Variants in MILR1 observed in about 807,000 individuals in gnomAD.
MILR1 encodes mast cell immunoglobulin like receptor 1, also known as allergin-1.
In MILR1, 31 loss-of-function variants were observed where a neutral mutation model predicts 18.5. That is an observed-to-expected ratio of 1.68 (90% confidence interval 1.26 to 2.26). The LOEUF is 2.26. Among genes scored for constraint, MILR1 ranks in the 30% most tolerant of loss-of-function variants. MILR1 has a pLI of 0.00. For synonymous variants in MILR1, 85 were observed against 56.2 expected (o/e 1.51, Z -2.30); for missense variants, 257 against 157.4 (o/e 1.63, Z -3.38).
chr17:64,480,342 C>T, the MILR1 span: 1 of 1,601,354 alleles, frequency 6.2e-7, no homozygotes, highest in Non-Finnish European at 8.5e-7. Flanking sequence ...AACCAGGCCA[C>T]ACAGAAATCC....
the MILR1 span, among the ~76,000 whole-genome samples, chr17:64,495,177 C>CAAAAAAAAAAAA: frequency 8.4e-6 from 1 of 119,352 alleles, no homozygotes; most frequent in Non-Finnish European, 1.6e-5. Context: ...GACTCTGTCT[C>CAAAAAAAAAAAA]AAAAAAAAAA....
In MILR1 at chr17:64,450,128, C is replaced by T. The variant is rs975051872; in HGVS notation, c.97+773C>T. ...TAATGTTTTGTATTTTTTGTAGAGA[C>T]GGGGTTTCACATCGTTAGCCAGGAT... is the stretch of plus-strand genomic sequence containing the variant. On this transcript the variant is annotated intron_variant, in intron 2 of 9. Transcript: ENST00000619286. Among the ~76,000 whole-genome samples, 24 of 151,948 alleles carry T rather than the reference C, an allele frequency of 1.6e-4. No homozygotes were observed. The East Asian group carries it at 3.3e-3, about 21-fold the overall frequency.
the MILR1 span, chr17:64,490,579 A>C: frequency 1.8e-6 from 1 of 558,376 alleles, no homozygotes; most frequent in Non-Finnish European, 3.2e-6. Context: ...TATTGAGATA[A>C]TCAGTTCAAT....
chr17:64,469,959 T>G (rs2037662603), downstream of MILR1, among the ~76,000 whole-genome samples: 2 of 152,062 alleles, frequency 1.3e-5, no homozygotes, highest in South Asian at 4.2e-4. Context: ...GCAAATAGAA[T>G]GGTGGTTCCT....
At chr17:64,462,192 T>C (rs946108306) in intron 5 of MILR1, among the ~76,000 whole-genome samples, 1 of 152,138 alleles carries the variant, frequency 6.6e-6, no homozygotes, top group Non-Finnish European at 1.5e-5. Context: ...CTCTCTCTTC[T>C]TTTTTTATTC....
Position 64,449,123 on chromosome 17 carries a change from G to T in MILR1, c.-46G>T. ...AGTTCTCCGAGTTACTCACCACTGT[G>T]GTTCTACTATGCCTTCTGACCCCGT... On this transcript the variant is annotated 5_prime_UTR_variant, in exon 1 of 10. Transcript: ENST00000619286. 2.2e-6 allele frequency: 1 copy of T among 452,386 alleles called. No homozygotes were observed. Among genetic ancestry groups the T allele is most frequent in the East Asian group, 3.2e-5 (1 of 31,392 alleles). The allele number at this position is 452,386 out of a possible 1,614,324, so 28.0% of individuals were successfully genotyped here.
chr17:64,475,762 T>A, the MILR1 span, among the ~76,000 whole-genome samples: 1 of 151,014 alleles, frequency 6.6e-6, no homozygotes, highest in Non-Finnish European at 1.5e-5. Context: ...AATCAATGGT[T>A]GCTGGCCACC....
chr17:64,464,774 A>G (rs1215638474), intron 5 of MILR1, among the ~76,000 whole-genome samples: 1 of 152,214 alleles, frequency 6.6e-6, no homozygotes, highest in African/African-American at 2.4e-5. Flanking sequence ...AATACAAAAA[A>G]TTAGCCAGGC....
chr17:64,463,094 C>A (rs1429965900), intron 5 of MILR1, among the ~76,000 whole-genome samples: 2 of 152,126 alleles, frequency 1.3e-5, no homozygotes, highest in Non-Finnish European at 2.9e-5. Context: ...AAAAAAGCAT[C>A]ATTTCTCTCT....
the MILR1 span, among the ~76,000 whole-genome samples, chr17:64,493,464 C>T: frequency 2.0e-5 from 3 of 151,878 alleles, no homozygotes; most frequent in Non-Finnish European, 2.9e-5. Flanking sequence ...TAGGTAGTTT[C>T]ACCCTGAGTT....
the MILR1 span, among the ~76,000 whole-genome samples, chr17:64,476,194 A>G: frequency 1.3e-5 from 2 of 152,306 alleles, no homozygotes; most frequent in Admixed American, 6.5e-5. Context: ...CCATAAATGT[A>G]TGTATCTGTC....
intron 2 of MILR1, among the ~76,000 whole-genome samples, chr17:64,450,863 T>C (rs932685223): frequency 1.1e-4 from 16 of 152,296 alleles, no homozygotes; most frequent in Admixed American, 8.5e-4. Flanking sequence ...TTGCCCTGCT[T>C]TTTGGGGGCA....
the MILR1 span, among the ~76,000 whole-genome samples, chr17:64,492,324 G>C: frequency 2.6e-5 from 4 of 152,000 alleles, no homozygotes; most frequent in Non-Finnish European, 5.9e-5. Context: ...GAGCCATTTT[G>C]ACTAATATGG....
chr17:64,490,782 C>T, the MILR1 span: 2 of 1,600,710 alleles, frequency 1.2e-6, no homozygotes, highest in Non-Finnish European at 1.7e-6. Context: ...ATAGGAGCTC[C>T]AGGTAAAACA....
At chr17:64,455,866 C>G (rs1311168027) in intron 3 of MILR1, among the ~76,000 whole-genome samples, 1 of 151,614 alleles carries the variant, frequency 6.6e-6, no homozygotes, top group Non-Finnish European at 1.5e-5. Context: ...ATGGTGAAAC[C>G]CTGTCTGTAC....
the MILR1 span, chr17:64,492,719 G>T: frequency 8.1e-6 from 13 of 1,613,296 alleles, no homozygotes; most frequent in African/African-American, 1.3e-5. Context: ...CCACTGGTTT[G>T]AAGTTCTCGG....
chr17:64,461,630 G>A (rs2037434956), intron 5 of MILR1, among the ~76,000 whole-genome samples: 1 of 152,000 alleles, frequency 6.6e-6, no homozygotes, highest in East Asian at 1.9e-4. Flanking sequence ...CACTAAATGG[G>A]CCACTTTAAC....
chr17:64,461,612 A>G (rs1326704945), intron 5 of MILR1, among the ~76,000 whole-genome samples: 1 of 152,126 alleles, frequency 6.6e-6, no homozygotes, highest in African/African-American at 2.4e-5. Flanking sequence ...GTGGTAAAAT[A>G]TACATAACAC....
chr17:64,450,160 G>T (rs945728204), intron 2 of MILR1, among the ~76,000 whole-genome samples: 1 of 152,040 alleles, frequency 6.6e-6, no homozygotes, highest in Non-Finnish European at 1.5e-5. Context: ...GGATGGTCTC[G>T]ATCTCCTGAC....
Sources: allele counts gnomAD v4.1 joint callset (sites outside exome capture counted in the v4.1 genomes callset), GRCh38; gene constraint gnomAD v4.1.1; transcripts MANE v1.5; gene names NCBI Gene and HGNC (gene_info 2026-07-23, HGNC 2026-07-21).